The following ZCCHC9 variants were observed in gnomAD, a reference collection of about 807,000 sequenced individuals.
ZCCHC9 encodes the protein zinc finger CCHC domain-containing protein 9.
Under a neutral mutation model 30.8 loss-of-function variants are expected in ZCCHC9, and 18 were observed. The observed-to-expected ratio is 0.58, with a 90% CI of 0.40 to 0.87. The LOEUF is 0.87. ZCCHC9 is among the 40% of genes least tolerant of loss of function. ZCCHC9 has a pLI of 0.00. For synonymous variants in ZCCHC9, 94 were observed against 106.7 expected (o/e 0.88, Z 0.73); for missense variants, 279 against 331.2 (o/e 0.84, Z 1.22).
At chr5:81,306,242 G>C (rs1331293764) in intron 2 of ZCCHC9, among the ~76,000 whole-genome samples, 1 of 152,160 alleles carries the variant, frequency 6.6e-6, no homozygotes, top group Non-Finnish European at 1.5e-5. Context: ...GTAGAGCACT[G>C]TTTGCACCAT....
In ZCCHC9 at chr5:81,307,000, T is replaced by C. The variant is rs1580492656; in HGVS notation, c.385-1561T>C. On this transcript the variant is annotated intron_variant, in intron 2 of 5. Coordinates refer to ENST00000407610, the MANE Select transcript of ZCCHC9 (RefSeq NM_001131035.2). ...TTACTGAAGAATTTAAAGGGACTCATTCTTTTTCAATATTTTATTAAGTAG... is the reference window on the plus strand; with the variant it reads ...TTACTGAAGAATTTAAAGGGACTCACTCTTTTTCAATATTTTATTAAGTAG... Among the ~76,000 whole-genome samples the C allele has an allele frequency of 2.6e-5, 4 of 152,216 alleles. 1 individual carries two copies. In the East Asian group the frequency reaches 7.7e-4, roughly 29 times the overall value.
intron 4 of ZCCHC9, among the ~76,000 whole-genome samples, chr5:81,310,284 G>A (rs1215938227): frequency 6.6e-6 from 1 of 151,908 alleles, no homozygotes; most frequent in African/African-American, 2.4e-5. Flanking sequence ...TACAATAAGG[G>A]GCTTTCTGCG....
chr5:81,310,907 G>C (rs1347114580), intron 4 of ZCCHC9, among the ~76,000 whole-genome samples: 1 of 152,160 alleles, frequency 6.6e-6, no homozygotes, highest in Non-Finnish European at 1.5e-5. Context: ...TCTAAGCATT[G>C]TTAAGATCCA....
intron 2 of ZCCHC9, among the ~76,000 whole-genome samples, chr5:81,305,945 T>C (rs990863991): frequency 6.6e-6 from 1 of 152,320 alleles, no homozygotes; most frequent in South Asian, 2.1e-4. Context: ...ATAGGAGTCA[T>C]ACTAGTTAGA....
chr5:81,306,831 T>C (rs1008343586), intron 2 of ZCCHC9, among the ~76,000 whole-genome samples: 7 of 152,254 alleles, frequency 4.6e-5, no homozygotes, highest in Admixed American at 6.5e-5. Flanking sequence ...GGCAGTAGTC[T>C]CAGCTTAGTA....
chr5:81,311,421 C>A, intron 5 of ZCCHC9, 142 bp downstream of exon 5: 3 of 895,894 alleles, frequency 3.3e-6, no homozygotes, highest in Non-Finnish European at 5.3e-6. Flanking sequence ...GACTTAATCT[C>A]TGTCAGCAAT....
At chr5:81,309,480 G>T (rs1758202562) in intron 4 of ZCCHC9, among the ~76,000 whole-genome samples, 1 of 152,166 alleles carries the variant, frequency 6.6e-6, no homozygotes, top group Non-Finnish European at 1.5e-5. Context: ...TATTTGTCTG[G>T]TATGGGATCA....
intron 4 of ZCCHC9, among the ~76,000 whole-genome samples, chr5:81,310,640 A>G (rs924544455): frequency 1.3e-5 from 2 of 152,210 alleles, no homozygotes; most frequent in African/African-American, 4.8e-5. Flanking sequence ...GTAATTCACA[A>G]TCCTGGAATG....
intron 1 of ZCCHC9, 113 bp from the exon 2 acceptor site, chr5:81,304,628 A>T: frequency 1.1e-6 from 1 of 875,244 alleles, no homozygotes; most frequent in Non-Finnish European, 1.7e-6. Context: ...TTTAATAATT[A>T]AAAGTTTAAC....
At chr5:81,311,166 C>A (rs184473674) in intron 4 of ZCCHC9, 45 bp from the exon 5 acceptor site, 1 of 1,607,528 alleles carries the variant, frequency 6.2e-7, no homozygotes, top group South Asian at 1.1e-5. Flanking sequence ...TTAAAAACCC[C>A]TTGCAAGTAT....
chr5:81,312,473 CCAATAA>C (rs749199076), intron 5 of ZCCHC9, 65 bp from the exon 6 acceptor site: 16 of 1,239,588 alleles, frequency 1.3e-5, no homozygotes, highest in Non-Finnish European at 1.9e-5. Flanking sequence ...CTTTCCCAAA[CCAATAA>C]CAATCTGAGT....
rs1758048906 is a variant in ZCCHC9, at chr5:81,304,982, C to T, written c.225C>T (p.Phe75=). The change falls in exon 2 of 6, where the codon TTC becomes TTT. Residue 75 remains phenylalanine, a synonymous_variant. Transcript: ENST00000407610. ...KEYLNEDVNG[F]MEYLRQNSQM... ...ACTTAAATGAAGATGTGAATGGATTCATGGAATACCTAAGACAGAATTCAC... is the reference window on the plus strand; with the variant it reads ...ACTTAAATGAAGATGTGAATGGATTTATGGAATACCTAAGACAGAATTCAC... 2 of 1,614,030 alleles carry T rather than the reference C, an allele frequency of 1.2e-6. No homozygotes were observed. Among genetic ancestry groups the T allele is most frequent in the African/African-American group, 1.3e-5 (1 of 74,912 alleles).
At chr5:81,308,412 C>A in intron 2 of ZCCHC9, 149 bp from the exon 3 acceptor site, 3 of 958,372 alleles carry the variant, frequency 3.1e-6, no homozygotes, top group South Asian at 2.2e-5. Context: ...TGTTTAGGAA[C>A]GTATGAAAGC....
chr5:81,308,848 T>C (rs1253817276), intron 3 of ZCCHC9, 98 bp from the exon 4 acceptor site: 4 of 1,381,762 alleles, frequency 2.9e-6, no homozygotes, highest in Admixed American at 2.6e-5. Context: ...TTTTAAGTTA[T>C]GTAAATATAT....
intron 5 of ZCCHC9, among the ~76,000 whole-genome samples, chr5:81,311,937 A>G (rs1345237557): frequency 1.4e-5 from 2 of 140,844 alleles, no homozygotes; most frequent in Admixed American, 7.5e-5. Flanking sequence ...TCTTATGGAA[A>G]GAGCACTTTT....
In ZCCHC9 at chr5:81,312,619, C is replaced by T. The variant is rs748879820; in HGVS notation, c.773C>T (p.Pro258Leu). 4.2e-5 allele frequency: 68 copies of T among 1,613,666 alleles called. No individual in the cohort carries two copies. Among genetic ancestry groups the T allele is most frequent in the Non-Finnish European group, 5.3e-5 (63 of 1,179,798 alleles). ...DYEEILDVPK[P>L]QKPKTKIPKV... ...GAAGAAATTTTGGATGTACCTAAAC[C>T]GCAAAAACCCAAAACAAAAATACCT... Residue 258 changes from proline (P) to leucine (L), a missense_variant, in exon 6 of 6, where the codon CCG becomes CTG. Physicochemically the swap from Pro to Leu is moderately conservative, Grantham distance 98. Coordinates refer to ENST00000407610, the MANE Select transcript of ZCCHC9 (RefSeq NM_001131035.2).
Position 81,305,032 on chromosome 5 carries a change from T to C in ZCCHC9, c.275T>C (p.Ile92Thr), listed in dbSNP as rs763249725. The C allele has an allele frequency of 1.5e-5, 25 of 1,614,060 alleles. No homozygotes were observed. In the East Asian group the frequency reaches 2.9e-4, roughly 19 times the overall value. Residue 92 changes from isoleucine to threonine, a missense_variant, in exon 2 of 6, where the codon ATA (isoleucine) becomes ACA (threonine). Transcript: ENST00000407610. ...CAGATGGTTCACAATGGGCAAATTA[T>C]AGCAACAGACAGTGAGGAAGTAAGG... ...NSQMVHNGQI[I>T]ATDSEEVREE...
intron 5 of ZCCHC9, 65 bp downstream of exon 5, chr5:81,311,344 C>T (rs1434424454): frequency 4.7e-6 from 7 of 1,499,684 alleles, no homozygotes; most frequent in South Asian, 2.3e-5. Flanking sequence ...TTATTCTGCA[C>T]TTGTTATTAA....
At chr5:81,305,211 A>G in intron 2 of ZCCHC9, 70 bp downstream of exon 2, 7 of 1,515,788 alleles carry the variant, frequency 4.6e-6, no homozygotes, top group East Asian at 2.3e-5. Context: ...TCACACACAT[A>G]TATACCTTAG....
Sources: allele counts gnomAD v4.1 joint callset (sites outside exome capture counted in the v4.1 genomes callset), GRCh38; gene constraint gnomAD v4.1.1; transcripts MANE v1.5; gene names NCBI Gene and HGNC (gene_info 2026-07-23, HGNC 2026-07-21).